The following LRPPRC variants were observed in gnomAD, a reference collection of about 807,000 sequenced individuals.
The protein encoded by LRPPRC is leucine-rich PPR motif-containing protein, mitochondrial.
In LRPPRC, 120 loss-of-function variants were observed where a neutral mutation model predicts 180.3. That is an observed-to-expected ratio of 0.67 (90% CI 0.57 to 0.77). LRPPRC has a LOEUF of 0.77. Among genes scored for constraint, LRPPRC ranks in the 30% least tolerant of loss-of-function variants. LRPPRC has a pLI of 0.00. For synonymous variants in LRPPRC, 723 were observed against 600.0 expected, an observed-to-expected ratio of 1.21 and a Z score of -3.00; for missense variants, 2,012 against 1,657.2, an observed-to-expected ratio of 1.21 and a Z score of -3.72.
chr2:43,983,241 T>C (rs137941235), intron 1 of LRPPRC, among the ~76,000 whole-genome samples: 101 of 152,262 alleles, frequency 6.6e-4, no homozygotes, highest in African/African-American at 2.3e-3. Flanking sequence ...TAATGGAGTC[T>C]AATATGCAAG....
At chr2:43,915,872 C>G (rs1418907250) in intron 29 of LRPPRC, among the ~76,000 whole-genome samples, 1 of 152,046 alleles carries the variant, frequency 6.6e-6, no homozygotes, top group Non-Finnish European at 1.5e-5. Flanking sequence ...CTCAGCTGAT[C>G]CTCTCACCTC....
chr2:43,982,494 A>G, intron 1 of LRPPRC, 60 bp from the exon 2 acceptor site: 1 of 1,315,288 alleles, frequency 7.6e-7, no homozygotes, highest in Non-Finnish European at 1.1e-6. Flanking sequence ...CATTTTTTGA[A>G]CAAAACTTAA....
intron 1 of LRPPRC, among the ~76,000 whole-genome samples, chr2:43,994,745 G>C (rs1344180661): frequency 6.6e-6 from 1 of 152,056 alleles, no homozygotes; most frequent in Non-Finnish European, 1.5e-5. Flanking sequence ...TTCTCTGGTG[G>C]TCAGAATACT....
chr2:43,948,724 C>G (rs894537095), intron 16 of LRPPRC, among the ~76,000 whole-genome samples: 2 of 152,106 alleles, frequency 1.3e-5, no homozygotes, highest in African/African-American at 4.8e-5. Context: ...TAATTATTTT[C>G]AGACCGAGTG....
At chr2:43,894,721 C>T in intron 35 of LRPPRC, 92 bp from the exon 36 acceptor site, 3 of 741,344 alleles carry the variant, frequency 4.0e-6, no homozygotes, top group Admixed American at 3.8e-5. Flanking sequence ...AAAATTTTCA[C>T]AATAATTATA....
At chr2:43,898,075 A>G (rs1239270324) in intron 34 of LRPPRC, among the ~76,000 whole-genome samples, 11 of 150,620 alleles carry the variant, frequency 7.3e-5, no homozygotes, top group Non-Finnish European at 1.5e-4. Flanking sequence ...TAAAATTAAA[A>G]AAAAAAAAAA....
intron 35 of LRPPRC, among the ~76,000 whole-genome samples, chr2:43,895,268 C>T (rs1670639796): frequency 6.6e-6 from 1 of 152,186 alleles, no homozygotes; most frequent in South Asian, 2.1e-4. Flanking sequence ...GGAGCAAAAT[C>T]TGGCTTAACT....
intron 23 of LRPPRC, among the ~76,000 whole-genome samples, chr2:43,943,106 T>C (rs1672543494): frequency 6.6e-6 from 1 of 152,102 alleles, no homozygotes; most frequent in South Asian, 2.1e-4. Context: ...TAAAATGTTT[T>C]ATTCATTATA....
In LRPPRC at chr2:43,916,781, T is replaced by G. The variant is rs998883592; in HGVS notation, c.3148+1244A>C. Among the ~76,000 whole-genome samples, 15 of 151,576 alleles carry G rather than the reference T, an allele frequency of 9.9e-5. No individual in the cohort carries two copies. The South Asian group carries it at 2.7e-3, about 28-fold the overall frequency. On this transcript the variant is annotated intron_variant, in intron 29 of 37. Coordinates refer to ENST00000260665, the MANE Select transcript of LRPPRC (RefSeq NM_133259.4). ...CCAGCCCGGGCAACATAGCGAGACC[T>G]TGTCACTACAAAAATTGGCTGAGTG...
chr2:43,907,373 C>T (rs141334747), intron 30 of LRPPRC, among the ~76,000 whole-genome samples: 7 of 151,956 alleles, frequency 4.6e-5, no homozygotes, highest in Non-Finnish European at 8.8e-5. Flanking sequence ...TAAAAAGTTG[C>T]GGGTAGAGAT....
At chr2:43,975,924 T>C (rs1464938833) in intron 6 of LRPPRC, among the ~76,000 whole-genome samples, 1 of 152,218 alleles carries the variant, frequency 6.6e-6, no homozygotes, top group Non-Finnish European at 1.5e-5. Context: ...GAAAGATTTG[T>C]GGAACAAATG....
At chr2:43,968,752 C>T (rs1009800031) in intron 11 of LRPPRC, among the ~76,000 whole-genome samples, 36 of 152,120 alleles carry the variant, frequency 2.4e-4, no homozygotes, top group Non-Finnish European at 1.9e-4. Flanking sequence ...TCAAAGGGCA[C>T]GAACTTTCTG....
At chr2:43,984,328 G>A (rs1382965806) in intron 1 of LRPPRC, among the ~76,000 whole-genome samples, 2 of 152,092 alleles carry the variant, frequency 1.3e-5, no homozygotes, top group Non-Finnish European at 2.9e-5. Context: ...CTGATAAACT[G>A]TTAAAGAGCA....
intron 16 of LRPPRC, 42 bp downstream of exon 16, chr2:43,949,560 G>T: frequency 6.6e-7 from 1 of 1,515,912 alleles, no homozygotes; most frequent in South Asian, 1.1e-5. Flanking sequence ...ACAGAAAAAT[G>T]GATTTGTGGA....
rs1203901942 is a variant in LRPPRC, at chr2:43,995,957, G to A, written c.-10C>T. On this transcript the variant is annotated 5_prime_UTR_variant, in exon 1 of 38. It adds an upstream start codon to the 5' untranslated region. Transcript: ENST00000260665. ...TCAGCAGGGCTGCCATTGCTCGAACGTCCCCGCAGCGGGAAGCACGCTCCG... is the reference window on the plus strand; with the variant it reads ...TCAGCAGGGCTGCCATTGCTCGAACATCCCCGCAGCGGGAAGCACGCTCCG... The A allele has an allele frequency of 1.1e-5, 17 of 1,524,588 alleles. No homozygotes were observed. The highest frequency in any genetic ancestry group is 1.3e-5 in the Non-Finnish European group (15 of 1,142,566). The allele number at this position is 1,524,588 out of a possible 1,614,324, so 94.4% of individuals were successfully genotyped here.
chr2:43,916,945 G>A lies in LRPPRC; in HGVS notation c.3148+1080C>T, dbSNP rs1437195493. 9.1e-5 allele frequency among the ~76,000 whole-genome samples: 7 copies of A among 77,248 alleles called. No homozygotes were observed. The East Asian group carries it at 1.8e-3, about 20-fold the overall frequency. The allele number at this position is 77,248 out of a possible 152,430, so 50.7% of individuals were successfully genotyped here. A position where few individuals can be genotyped will look rare whatever the true frequency, so the allele number is the denominator to read the frequency against. Reference sequence around the variant, plus strand: ...GGGTGACAGAGTGAGACCTGTCTCCGGGGGGAAAAAAAAAAAAAAAAAAAG... The same window carrying A: ...GGGTGACAGAGTGAGACCTGTCTCCAGGGGGAAAAAAAAAAAAAAAAAAAG... On this transcript the variant is annotated intron_variant, in intron 29 of 37. Transcript: ENST00000260665.
chr2:43,995,403 G>A (rs1430891810), intron 1 of LRPPRC, among the ~76,000 whole-genome samples: 1 of 152,188 alleles, frequency 6.6e-6, no homozygotes, highest in African/African-American at 2.4e-5. Context: ...ATGCTAGGTG[G>A]TTACTGATCA....
intron 30 of LRPPRC, among the ~76,000 whole-genome samples, chr2:43,906,015 T>C (rs1366542773): frequency 6.6e-6 from 1 of 152,138 alleles, no homozygotes; most frequent in Non-Finnish European, 1.5e-5. Flanking sequence ...AGAAACAAAG[T>C]ACAAGATTTT....
chr2:43,942,914 T>C (rs1672536500), intron 23 of LRPPRC, among the ~76,000 whole-genome samples: 1 of 152,136 alleles, frequency 6.6e-6, no homozygotes, highest in Non-Finnish European at 1.5e-5. Flanking sequence ...TTATCTTCTA[T>C]TTTTGTTTGC....
Sources: gnomAD v4.1 joint callset for allele counts (sites outside exome capture counted in the v4.1 genomes callset) on GRCh38, gnomAD v4.1.1 for gene constraint, MANE v1.5 for transcripts, NCBI Gene and HGNC (gene_info 2026-07-23, HGNC 2026-07-21) for gene names.